CACNA2D4: variants seen among roughly 807,000 people sequenced by gnomAD.
The protein encoded by CACNA2D4 is voltage-dependent calcium channel subunit alpha-2/delta-4.
CACNA2D4 carries 157 observed loss-of-function variants against 163.8 expected under a neutral mutation model. That is an observed-to-expected ratio of 0.96 (90% CI 0.84 to 1.09). CACNA2D4 has a LOEUF of 1.09. CACNA2D4 is among the 50% of genes least tolerant of loss of function. CACNA2D4 has a pLI of 0.00. For missense variants in CACNA2D4, 1,410 were observed against 1,479.9 expected (o/e 0.95, Z 0.78); for synonymous variants, 598 against 586.9 (o/e 1.02, Z -0.27).
In CACNA2D4 at chr12:1,907,947, C is replaced by A. The variant is rs751002115; in HGVS notation, c.577G>T (p.Ala193Ser). ...LGAEFLLESNAHFSNLPVNTS... is the reference protein window; with the variant it reads ...LGAEFLLESNSHFSNLPVNTS... ...TTCACCGGCAGGTTGCTGAAGTGAG[C>A]ATTGGACTCCAGGAGGAACTCGGCG... Residue 193 changes from alanine (A) to serine (S), a missense_variant, in exon 5 of 38, where the codon GCT (alanine) becomes TCT (serine). Ala to Ser is a moderately conservative substitution (Grantham distance 99). Transcript: ENST00000382722. 3 of 1,614,058 alleles carry A rather than the reference C, an allele frequency of 1.9e-6. No homozygotes were observed. In the South Asian group the frequency reaches 3.3e-5, roughly 18 times the overall value.
chr12:1,860,520 G>C (rs1865501225), intron 18 of CACNA2D4, among the ~76,000 whole-genome samples: 1 of 152,248 alleles, frequency 6.6e-6, no homozygotes, highest in African/African-American at 2.4e-5. Flanking sequence ...TGAATTTTCA[G>C]ATTTTAGTTG....
intron 37 of CACNA2D4, among the ~76,000 whole-genome samples, 200 bp from the exon 38 acceptor site, chr12:1,793,959 C>T (rs1224067642): frequency 6.6e-6 from 1 of 152,138 alleles, no homozygotes; most frequent in Non-Finnish European, 1.5e-5. Context: ...AGGGGGGCAC[C>T]GGCCTTCTCT....
At chr12:1,873,239 T>C (rs1400596041) in intron 18 of CACNA2D4, among the ~76,000 whole-genome samples, 2 of 152,236 alleles carry the variant, frequency 1.3e-5, no homozygotes, top group Non-Finnish European at 2.9e-5. Context: ...ATTATGGTCA[T>C]GATCGTCGTC....
At position 1,887,116 on chromosome 12, in the gene CACNA2D4, C is replaced by T. The variant is rs7960325; in HGVS notation, c.782-47G>A. ...CTTTTACTAGCTTGGTGAGGCCACC[C>T]CAGATCCCCTGGCTGGGTGTGGACC... On this transcript the variant is annotated intron_variant, in intron 6 of 37. Transcript: ENST00000382722. The T allele has an allele frequency of 1.9e-3, 2,559 of 1,368,726 alleles. 36 individuals are homozygous for T. The African/African-American group carries it at 0.032, about 17-fold the overall frequency. 84.8% of individuals were successfully genotyped at this position (1,368,726 alleles called of 1,614,324 possible).
chr12:1,914,464 G>C (rs1007409570), intron 2 of CACNA2D4, among the ~76,000 whole-genome samples: 2 of 152,092 alleles, frequency 1.3e-5, no homozygotes, highest in Admixed American at 1.3e-4. Flanking sequence ...CACCTTCTAC[G>C]GCCCGAGCAG....
chr12:1,907,700 G>A, intron 5 of CACNA2D4, 129 bp from the exon 6 acceptor site: 1 of 1,191,732 alleles, frequency 8.4e-7, no homozygotes, highest in Non-Finnish European at 1.2e-6. Flanking sequence ...GGGTGTGCCT[G>A]GTGGGCGTGT....
chr12:1,834,646 CA>C lies in CACNA2D4; in HGVS notation c.2551+6092del. ...TCATGGCCAAGTACCACCGGGAGCT[CA>C]AAAAGCGCCAGCCCCTGATGGGGGA... On this transcript the variant is annotated intron_variant, in intron 26 of 37. Transcript: ENST00000382722. This position sits in a 1 kb window ranked among gnomAD's most constrained non-coding sequence, Gnocchi z 7.6. The C allele has an allele frequency of 6.2e-7, 1 of 1,600,758 alleles. No homozygotes were observed.
chr12:1,827,977 C>G (rs1486344513), intron 26 of CACNA2D4: 5 of 474,652 alleles, frequency 1.1e-5, no homozygotes, highest in Non-Finnish European at 1.8e-5. Flanking sequence ...CAGGAGAGGG[C>G]ATGAGGAGTG....
At chr12:1,902,946 A>G (rs537910826) in intron 6 of CACNA2D4, among the ~76,000 whole-genome samples, 1 of 152,248 alleles carries the variant, frequency 6.6e-6, no homozygotes, top group Admixed American at 6.5e-5. Flanking sequence ...GAGGAGTAAC[A>G]TTACCTGACT....
chr12:1,881,455 G>A (rs539402873), intron 13 of CACNA2D4, among the ~76,000 whole-genome samples: 2 of 152,320 alleles, frequency 1.3e-5, no homozygotes, highest in South Asian at 2.1e-4. Context: ...GAAAGCCTTC[G>A]CTTTCCAGCT....
At chr12:1,824,605 G>C (rs1405706040) in intron 26 of CACNA2D4, among the ~76,000 whole-genome samples, 1 of 152,204 alleles carries the variant, frequency 6.6e-6, no homozygotes, top group African/African-American at 2.4e-5. Flanking sequence ...GCAGACAGGA[G>C]ATCTCGCTGT....
At chr12:1,848,372 T>C (rs1457626405) in intron 23 of CACNA2D4, among the ~76,000 whole-genome samples, 1 of 152,242 alleles carries the variant, frequency 6.6e-6, no homozygotes, top group Non-Finnish European at 1.5e-5. Flanking sequence ...CAGCCTGCTC[T>C]GTGTCCCCTG....
chr12:1,819,001 TAAA>T lies in CACNA2D4; in HGVS notation c.2552-7281_2552-7279del, dbSNP rs34331462. 3.1e-5 allele frequency among the ~76,000 whole-genome samples: 4 copies of T among 127,572 alleles called. No homozygotes were observed. The South Asian group carries it at 7.6e-4, about 24-fold the overall frequency. The allele number at this position is 127,572 out of a possible 152,430, so 83.7% of individuals were successfully genotyped here. ...AATGATCAATAAATACTAAAAAAAT[TAAA>T]AAAAAAAAAAAAAGGAAAGGAGATG... On this transcript the variant is annotated intron_variant, in intron 26 of 37. Coordinates refer to ENST00000382722, the MANE Select transcript of CACNA2D4 (RefSeq NM_172364.5).
intron 19 of CACNA2D4, 47 bp downstream of exon 19, chr12:1,860,098 T>C: frequency 6.7e-7 from 1 of 1,494,230 alleles, no homozygotes; most frequent in Non-Finnish European, 9.3e-7. Flanking sequence ...GTTGCTGGTA[T>C]TCATGTTCAA....
Position 1,918,464 on chromosome 12 carries a change from C to G in CACNA2D4, c.10G>C (p.Gly4Arg). The G allele has an allele frequency of 6.4e-7, 1 of 1,564,524 alleles. No homozygotes were observed. Among genetic ancestry groups the G allele is most frequent in the Non-Finnish European group, 8.7e-7 (1 of 1,154,876 alleles). The change falls in exon 1 of 38, where the codon GGC (glycine) becomes CGC (arginine). Residue 4 changes from glycine to arginine, a missense_variant. Gly to Arg is a moderately radical substitution (Grantham distance 125). Transcript: ENST00000382722. MVCGCSALLPLPNP... is the reference protein window; with the variant it reads MVCRCSALLPLPNP... ...GGGAGGGGAAGGAGGGCAGAGCAGCCACAGACCATGAGCTCTGTCTGCCTT... is the reference window on the plus strand; with the variant it reads ...GGGAGGGGAAGGAGGGCAGAGCAGCGACAGACCATGAGCTCTGTCTGCCTT...
In CACNA2D4 at chr12:1,882,945, G is replaced by A. The variant is rs771184759; in HGVS notation, c.1407C>T (p.Tyr469=). 6.2e-7 allele frequency: 1 copy of A among 1,613,594 alleles called. No individual in the cohort carries two copies. The highest frequency in any genetic ancestry group is 8.5e-7 in the Non-Finnish European group (1 of 1,179,758). ...LADTQENVME[Y]LHVLSRPMVI... is the part of the protein sequence containing the mutation. ...CCATGGGGCGGCTGAGCACGTGCAG[G>A]TATTCCATCACGTTCTCCTGGGTGT... The change falls in exon 13 of 38, where the codon TAC becomes TAT. Residue 469 remains tyrosine (Y), a synonymous_variant. Coordinates refer to ENST00000382722, the MANE Select transcript of CACNA2D4 (RefSeq NM_172364.5).
intron 23 of CACNA2D4, among the ~76,000 whole-genome samples, chr12:1,851,651 T>TTGTGTGTGTGTG (rs71055202): frequency 0.087 from 10,229 of 117,958 alleles, 757 homozygotes; most frequent in Non-Finnish European, 0.12. Flanking sequence ...TGGTGTGTGT[T>TTGTGTGTGTGTG]TGTGTGTGTG....
intron 26 of CACNA2D4, chr12:1,827,825 TG>T: frequency 3.0e-6 from 1 of 329,342 alleles, no homozygotes; most frequent in Non-Finnish European, 5.5e-6. Flanking sequence ...GGTAGGCCCA[TG>T]GGTGCACCCC....
chr12:1,834,723 C>T lies in CACNA2D4; in HGVS notation c.2551+6016G>A, dbSNP rs375560200. The T allele has an allele frequency of 1.3e-4, 201 of 1,581,580 alleles. No individual in the cohort carries two copies. The highest frequency in any genetic ancestry group is 1.6e-4 in the Non-Finnish European group (184 of 1,165,622). ...AAGCAGATCTCTTCTGTGGCCTGAG[C>T]GCCCATCCCCACCCGGCCAGGTAGG... is the stretch of plus-strand genomic sequence containing the variant. On this transcript the variant is annotated intron_variant, in intron 26 of 37. Transcript: ENST00000382722. This position sits in a 1 kb window ranked among gnomAD's most constrained non-coding sequence, Gnocchi z 7.6.
Sources: allele counts gnomAD v4.1 joint callset (sites outside exome capture counted in the v4.1 genomes callset), GRCh38; gene constraint gnomAD v4.1.1; non-coding constraint Gnocchi (gnomAD v3.1); transcripts MANE v1.5; gene names NCBI Gene and HGNC (gene_info 2026-07-23, HGNC 2026-07-21).